The following ATP5F1B variants were observed in gnomAD, a reference collection of about 807,000 sequenced individuals.
ATP5F1B encodes ATP synthase F(1) complex subunit beta, mitochondrial.
ATP5F1B carries 17 observed loss-of-function variants against 45.9 expected under a neutral mutation model. The observed-to-expected ratio is 0.37, with a 90% confidence interval of 0.25 to 0.56. The LOEUF is 0.56. ATP5F1B is among the 20% of genes least tolerant of loss of function. ATP5F1B has a pLI of 0.80. For synonymous variants in ATP5F1B, 218 were observed against 256.5 expected (o/e 0.85, Z 1.43); for missense variants, 387 against 673.2 (o/e 0.57, Z 4.70).
chr12:56,642,911 C>T (rs532126338), intron 5 of ATP5F1B, 80 bp from the exon 6 acceptor site: 79 of 1,481,918 alleles, frequency 5.3e-5, no homozygotes, highest in Non-Finnish European at 6.9e-5. Context: ...ATCGGAGAAA[C>T]GACCACAGAT....
At chr12:56,641,119 C>T (rs1592644265) in intron 7 of ATP5F1B, among the ~76,000 whole-genome samples, 1 of 151,926 alleles carries the variant, frequency 6.6e-6, no homozygotes, top group African/African-American at 2.4e-5. Flanking sequence ...AATCCCAACA[C>T]TTTGGGAGGC....
intron 9 of ATP5F1B, among the ~76,000 whole-genome samples, chr12:56,638,881 G>A (rs888409879): frequency 6.6e-6 from 1 of 152,120 alleles, no homozygotes; most frequent in Non-Finnish European, 1.5e-5. Flanking sequence ...GGGCGACAGA[G>A]ACTCAGTCTC....
At position 56,638,988 on chromosome 12, in the gene ATP5F1B, G is replaced by A. The variant is rs1430714413; in HGVS notation, c.1489+118C>T. ...ATTTTCAAACAAAATCAATGGGTAA[G>A]TTTGTTTTTTAAATTAAAAAATATA... On this transcript the variant is annotated intron_variant, in intron 9 of 9. Transcript: ENST00000262030. 4.1e-6 allele frequency: 4 copies of A among 980,540 alleles called. No individual in the cohort carries two copies. The Admixed American group carries it at 7.1e-5, about 17-fold the overall frequency. The allele number at this position is 980,540 out of a possible 1,614,324, so 60.7% of individuals were successfully genotyped here.
chr12:56,642,100 G>A (rs975207519), intron 7 of ATP5F1B, among the ~76,000 whole-genome samples: 5 of 151,068 alleles, frequency 3.3e-5, no homozygotes, highest in African/African-American at 7.3e-5. Flanking sequence ...GGATTCAAGC[G>A]ATTCTCCTGC....
At chr12:56,638,781 A>C (rs1478545786) in intron 9 of ATP5F1B, among the ~76,000 whole-genome samples, 3 of 152,158 alleles carry the variant, frequency 2.0e-5, no homozygotes, top group Non-Finnish European at 2.9e-5. Flanking sequence ...CTGTAATCCC[A>C]GCTACTTGGA....
intron 8 of ATP5F1B, 66 bp from the exon 9 acceptor site, chr12:56,639,373 G>A (rs1311082430): frequency 6.7e-7 from 1 of 1,482,746 alleles, no homozygotes; most frequent in Non-Finnish European, 9.3e-7. Context: ...CTAACAAAGG[G>A]AAAGTTACAT....
chr12:56,639,707 G>A (rs1337539750), intron 8 of ATP5F1B, among the ~76,000 whole-genome samples: 1 of 151,174 alleles, frequency 6.6e-6, no homozygotes, highest in African/African-American at 2.4e-5. Flanking sequence ...GGAGGCGGAG[G>A]TTGCAGTGAG....
intron 5 of ATP5F1B, 158 bp from the exon 6 acceptor site, chr12:56,642,989 A>T: frequency 1.4e-6 from 1 of 736,158 alleles, no homozygotes; most frequent in South Asian, 2.1e-5. Flanking sequence ...GCAGTTCAAA[A>T]AAAAAAGACA....
chr12:56,644,719 A>C (rs1592224186), intron 3 of ATP5F1B, 62 bp downstream of exon 3: 2 of 1,523,456 alleles, frequency 1.3e-6, no homozygotes, highest in East Asian at 4.5e-5. Context: ...ATGTCACCTT[A>C]ATGTGTAAAA....
In ATP5F1B at chr12:56,639,977, C is replaced by T. The variant is rs752724870; in HGVS notation, c.1287+3G>A. 3 of 1,613,682 alleles carry T rather than the reference C, an allele frequency of 1.9e-6. No individual in the cohort carries two copies. The highest frequency in any genetic ancestry group is 2.2e-5 in the South Asian group (2 of 91,042). On this transcript the variant is annotated splice_donor_region_variant and intron_variant, in intron 8 of 9. Transcript: ENST00000262030. The stretch of plus-strand genomic sequence containing the variant: ...CACTGATCCCACATAGTAATATACT[C>T]ACCTGCAGGATCTTTTGCACCCCAC...
In ATP5F1B at chr12:56,640,103, G is replaced by A. The variant is rs1592643912; in HGVS notation, c.1164C>T (p.Ala388=). 6.2e-7 allele frequency: 1 copy of A among 1,613,980 alleles called. No individual in the cohort carries two copies. The highest frequency in any genetic ancestry group is 1.7e-5 in the Admixed American group (1 of 60,000). The change falls in exon 8 of 10, where the codon GCC becomes GCT. Residue 388 remains alanine (A), a synonymous_variant. Transcript: ENST00000262030. ...CTGGATAGATGCCCAGCTCAGCAAT[G>A]GCACGCGACAGTACAGTGGTAGCAT... is the stretch of plus-strand genomic sequence containing the variant. ...HLDATTVLSR[A]IAELGIYPAV...
intron 7 of ATP5F1B, among the ~76,000 whole-genome samples, 185 bp downstream of exon 7, chr12:56,642,273 G>C (rs1330210985): frequency 6.6e-6 from 1 of 151,166 alleles, no homozygotes; most frequent in Non-Finnish European, 1.5e-5. Context: ...TGGTATTACA[G>C]GCATGAACCA....
In ATP5F1B at chr12:56,642,758, A is replaced by G; in HGVS notation, c.866T>C (p.Val289Ala). 1 of 1,614,190 alleles carries G rather than the reference A, an allele frequency of 6.2e-7. No individual in the cohort carries two copies. The highest frequency in any genetic ancestry group is 8.5e-7 in the Non-Finnish European group (1 of 1,180,036). ...TTCTTGGTCTCTGAAGTATTCAGCC[A>G]CAGTCAGCCCAGTCAGAGCTACCCG... ...RARVALTGLT[V>A]AEYFRDQEGQ... Residue 289 changes from valine to alanine, a missense_variant, in exon 6 of 10, where the codon GTG (valine) becomes GCG (alanine). This residue lies in a region of ATP5F1B where 154 missense variants were observed against 361.4 expected (regional missense o/e 0.43). Coordinates refer to ENST00000262030, the MANE Select transcript of ATP5F1B (RefSeq NM_001686.4).
intron 8 of ATP5F1B, 101 bp downstream of exon 8, chr12:56,639,879 G>C: frequency 4.7e-6 from 6 of 1,282,718 alleles, no homozygotes; most frequent in Non-Finnish European, 5.4e-6. Context: ...AACTTTCCTT[G>C]CTCCAAAACA....
chr12:56,642,392 G>C, intron 7 of ATP5F1B, 66 bp downstream of exon 7: 3 of 1,599,350 alleles, frequency 1.9e-6, no homozygotes, highest in South Asian at 1.1e-5. Context: ...CTCCTCAGTA[G>C]CTGAGATGCA....
chr12:56,643,270 G>C, intron 5 of ATP5F1B, 133 bp downstream of exon 5: 1 of 793,676 alleles, frequency 1.3e-6, no homozygotes, highest in Non-Finnish European at 1.8e-6. Flanking sequence ...TAGGCCCTGG[G>C]ACACGAAAAT....
chr12:56,639,383 T>C (rs1254639715), intron 8 of ATP5F1B, 76 bp from the exon 9 acceptor site: 2 of 1,389,912 alleles, frequency 1.4e-6, no homozygotes, highest in African/African-American at 2.9e-5. Context: ...GAAAGTTACA[T>C]GCTAGGGGGC....
intron 7 of ATP5F1B, among the ~76,000 whole-genome samples, chr12:56,640,747 T>C (rs1951505434): frequency 6.6e-6 from 1 of 151,144 alleles, no homozygotes; most frequent in South Asian, 2.1e-4. Flanking sequence ...CTTTTAGAAT[T>C]AAAAACAAGA....
intron 3 of ATP5F1B, among the ~76,000 whole-genome samples, chr12:56,644,168 T>G (rs1951533375): frequency 6.6e-6 from 1 of 152,122 alleles, no homozygotes; most frequent in East Asian, 1.9e-4. Flanking sequence ...TAGGAAACAA[T>G]AATCCCATTC....
Sources: allele counts gnomAD v4.1 joint callset (sites outside exome capture counted in the v4.1 genomes callset), GRCh38; gene constraint gnomAD v4.1.1; regional missense constraint gnomAD v4.1.1; transcripts MANE v1.5; gene names NCBI Gene and HGNC (gene_info 2026-07-23, HGNC 2026-07-21).